The following UROS variants were observed in gnomAD, a reference collection of about 807,000 sequenced individuals.
The protein encoded by UROS is uroporphyrinogen III synthase, also known as uroporphyrinogen-III synthase.
Under a neutral mutation model 33.0 loss-of-function variants are expected in UROS, and 18 were observed. The ratio of observed to expected loss-of-function variants is 0.55; its 90% CI spans 0.38 to 0.81. The LOEUF is 0.81. Ranked by LOEUF, UROS falls within the 30% of genes least tolerant of loss-of-function variation. The pLI, the probability that UROS is intolerant of heterozygous loss-of-function variation, is 0.00. For synonymous variants in UROS, 114 were observed against 121.1 expected (o/e 0.94, Z 0.38); for missense variants, 293 against 314.9 (o/e 0.93, Z 0.53).
At chr10:125,801,860 C>T (rs930805462) in intron 6 of UROS, among the ~76,000 whole-genome samples, 3 of 152,192 alleles carry the variant, frequency 2.0e-5, no homozygotes, top group African/African-American at 7.2e-5. Flanking sequence ...AGCAGGGACA[C>T]CAGCCTGATG....
At chr10:125,807,316 C>A (rs563607518) in intron 6 of UROS, 97 bp downstream of exon 6, 2 of 1,072,384 alleles carry the variant, frequency 1.9e-6, no homozygotes, top group East Asian at 2.5e-5. Flanking sequence ...ATCTCACCAC[C>A]AAGAATGCAC....
At chr10:125,802,881 C>A in intron 6 of UROS, 1 of 1,570,076 alleles carries the variant, frequency 6.4e-7, no homozygotes, top group South Asian at 1.2e-5. Flanking sequence ...GGGGCTCAGG[C>A]TGGCCTCACC....
Position 125,791,091 on chromosome 10 carries a change from C to CA in UROS, c.661-2087dup, listed in dbSNP as rs146112441. ...TGGGCAACAGAGCGAGACACCATCT[C>CA]AAAAAAAAAAAAAAAATTGTATTCA... On this transcript the variant is annotated intron_variant, in intron 9 of 9. Coordinates refer to ENST00000368797, the MANE Select transcript of UROS (RefSeq NM_000375.3). Among the ~76,000 whole-genome samples the CA allele has an allele frequency of 3.9e-3, 515 of 130,786 alleles. 3 individuals are homozygous for CA. The highest frequency in any genetic ancestry group is 0.01 in the Admixed American group (129 of 12,296). The allele number at this position is 130,786 out of a possible 152,430, so 85.8% of individuals were successfully genotyped here.
intron 6 of UROS, among the ~76,000 whole-genome samples, chr10:125,799,708 C>T (rs545987545): frequency 3.3e-5 from 5 of 152,294 alleles, no homozygotes; most frequent in Admixed American, 3.3e-4. Flanking sequence ...TCTGCAGGCA[C>T]ACAGGGCCCA....
At chr10:125,792,230 AG>A in intron 9 of UROS, 1 of 152,356 alleles carries the variant, frequency 6.6e-6, no homozygotes, top group Non-Finnish European at 1.5e-5. Flanking sequence ...GTAGTCCTAG[AG>A]CAGGGGTATC....
intron 7 of UROS, 33 bp from the exon 8 acceptor site, chr10:125,796,221 C>T (rs775333168): frequency 2.9e-5 from 47 of 1,606,428 alleles, no homozygotes; most frequent in East Asian, 6.7e-5. Flanking sequence ...AAGACTTTAC[C>T]GCACTGGGCA....
chr10:125,808,531 G>C (rs1000114050), intron 5 of UROS, among the ~76,000 whole-genome samples: 14 of 152,142 alleles, frequency 9.2e-5, no homozygotes, highest in African/African-American at 3.4e-4. Context: ...AAATCCCACA[G>C]GAACTGAACT....
At chr10:125,807,690 T>G (rs1376726499) in intron 5 of UROS, among the ~76,000 whole-genome samples, 1 of 152,164 alleles carries the variant, frequency 6.6e-6, no homozygotes, top group Non-Finnish European at 1.5e-5. Flanking sequence ...ACCCCAGTTG[T>G]GTAGGCTGGG....
intron 3 of UROS, among the ~76,000 whole-genome samples, chr10:125,815,901 C>T (rs1853277349): frequency 6.6e-6 from 1 of 152,136 alleles, no homozygotes; most frequent in Non-Finnish European, 1.5e-5. Context: ...TGAAAGGGTT[C>T]TAGGACTGCT....
intron 6 of UROS, chr10:125,802,897 G>A (rs1851961658): frequency 6.3e-7 from 1 of 1,591,492 alleles, no homozygotes; most frequent in African/African-American, 1.3e-5. Context: ...TCACCCTCAG[G>A]GGCTTTCCCC....
intron 6 of UROS, among the ~76,000 whole-genome samples, chr10:125,805,731 T>C (rs1486991625): frequency 6.6e-6 from 1 of 152,180 alleles, no homozygotes; most frequent in Non-Finnish European, 1.5e-5. Flanking sequence ...GTGGACACGA[T>C]TCTGACTTCA....
Position 125,817,224 on chromosome 10 carries a change from A to ATTTTT in UROS, c.-26-704_-26-700dup, listed in dbSNP as rs11431196. 5.9e-4 allele frequency among the ~76,000 whole-genome samples: 44 copies of ATTTTT among 74,082 alleles called. 6 individuals carry two copies. The highest frequency in any genetic ancestry group is 1.6e-3 in the Admixed American group (8 of 4,936). 48.6% of individuals were successfully genotyped at this position (74,082 alleles called of 152,430 possible). A position where few individuals can be genotyped will look rare whatever the true frequency, so the allele number is the denominator to read the frequency against. On this transcript the variant is annotated intron_variant, in intron 1 of 9. Transcript: ENST00000368797. ...CGGGAAGCTTCTTGTTTATAGATGT[A>ATTTTT]TTTTTTTTTTTTTTTTTTTTTTTTT... is the stretch of plus-strand genomic sequence containing the variant.
Position 125,788,998 on chromosome 10 carries a change from GCTGCAAACTATA to G in UROS, c.661-5_667del. 1 of 1,612,934 alleles carries G rather than the reference GCTGCAAACTATA, an allele frequency of 6.2e-7. No homozygotes were observed. The highest frequency in any genetic ancestry group is 8.5e-7 in the Non-Finnish European group (1 of 1,179,980). On this transcript the variant is annotated splice_acceptor_variant and splice_polypyrimidine_tract_variant and coding_sequence_variant and intron_variant, in exon 10 of 10. Coordinates refer to ENST00000368797, the MANE Select transcript of UROS (RefSeq NM_000375.3). LOFTEE classifies it high-confidence loss of function. ...CGCGCGAGCCGTAGTGGGGCCGATG[GCTGCAAACTATA>G]AAGACAGAAGAGAAAACAGGGCTTC...
intron 9 of UROS, chr10:125,794,427 A>C: frequency 1.1e-6 from 1 of 916,066 alleles, no homozygotes; most frequent in Non-Finnish European, 1.3e-6. Flanking sequence ...TTGTAGACTC[A>C]TAATAAATAC....
intron 7 of UROS, 37 bp downstream of exon 7, chr10:125,798,028 A>G: frequency 6.2e-7 from 1 of 1,609,882 alleles, no homozygotes; most frequent in Non-Finnish European, 8.5e-7. Context: ...GGTGGATCCC[A>G]AAGTGGTAAG....
chr10:125,815,706 T>C (rs1853258563), intron 3 of UROS, among the ~76,000 whole-genome samples: 1 of 152,186 alleles, frequency 6.6e-6, no homozygotes, highest in African/African-American at 2.4e-5. Context: ...CACTCCTCAC[T>C]GGAAGAAGAA....
chr10:125,797,146 T>A (rs1410291162), intron 7 of UROS, among the ~76,000 whole-genome samples: 1 of 152,158 alleles, frequency 6.6e-6, no homozygotes, highest in African/African-American at 2.4e-5. Context: ...GTAGAAGGGA[T>A]ACGATCTAGC....
intron 3 of UROS, 130 bp from the exon 4 acceptor site, chr10:125,815,260 C>G (rs1853208257): frequency 2.0e-6 from 2 of 987,498 alleles, no homozygotes; most frequent in Non-Finnish European, 3.1e-6. Flanking sequence ...ACCCATCCCC[C>G]CAACACTTAC....
At chr10:125,817,869 G>C (rs1343239342) in intron 1 of UROS, among the ~76,000 whole-genome samples, 12 of 152,102 alleles carry the variant, frequency 7.9e-5, no homozygotes, top group Non-Finnish European at 1.8e-4. Flanking sequence ...AAATGTTTGG[G>C]AAAAATAGAG....
Sources: allele counts gnomAD v4.1 joint callset (sites outside exome capture counted in the v4.1 genomes callset), GRCh38; gene constraint gnomAD v4.1.1; transcripts MANE v1.5; gene names NCBI Gene and HGNC (gene_info 2026-07-23, HGNC 2026-07-21).